The following XKR9 variants were observed in gnomAD, a reference collection of about 807,000 sequenced individuals.
XKR9 encodes XK related 9.
XKR9 carries 32 observed loss-of-function variants against 32.0 expected under a neutral mutation model. The ratio of observed to expected loss-of-function variants is 1.00; its 90% CI spans 0.76 to 1.34. The LOEUF is 1.34. Among genes scored for constraint, XKR9 ranks in the 40% most tolerant of loss-of-function variants. XKR9 has a pLI of 0.00. For missense variants in XKR9, 546 were observed against 429.7 expected (o/e 1.27, Z -2.39); for synonymous variants, 168 against 143.4 (o/e 1.17, Z -1.22).
At chr8:70,673,496 C>T (rs988619043) in intron 1 of XKR9, among the ~76,000 whole-genome samples, 3 of 152,114 alleles carry the variant, frequency 2.0e-5, no homozygotes, top group African/African-American at 7.2e-5. Context: ...GTAAAGAAAC[C>T]TATGGACAGT....
chr8:70,815,367 A>G, the XKR9 span, among the ~76,000 whole-genome samples: 1 of 151,780 alleles, frequency 6.6e-6, no homozygotes, highest in South Asian at 2.1e-4. Flanking sequence ...ATTCCCCTCT[A>G]CGTGTCCATG....
the XKR9 span, among the ~76,000 whole-genome samples, chr8:70,961,827 G>T: frequency 6.6e-6 from 1 of 152,038 alleles, no homozygotes; most frequent in East Asian, 1.9e-4. Context: ...GTTTTTGTGT[G>T]TGTTAAATAA....
chr8:71,050,236 GATAT>G, the XKR9 span, among the ~76,000 whole-genome samples: 3,244 of 123,552 alleles, frequency 0.026, 157 homozygotes, highest in African/African-American at 0.098. Flanking sequence ...GCCTGGCAGA[GATAT>G]ATATATATAT....
At chr8:70,722,397 G>A (rs1806313306) in intron 4 of XKR9, among the ~76,000 whole-genome samples, 1 of 152,160 alleles carries the variant, frequency 6.6e-6, no homozygotes. Context: ...AGTGTCATAG[G>A]TCTTTATAAT....
the XKR9 span, among the ~76,000 whole-genome samples, chr8:70,934,465 G>A: frequency 8.6e-5 from 13 of 152,038 alleles, no homozygotes; most frequent in East Asian, 9.6e-4. Context: ...CAATAAATAC[G>A]ATGTTTTATT....
At chr8:70,772,549 A>G (rs1241382194) in intron 2 of XKR9, among the ~76,000 whole-genome samples, 1 of 152,208 alleles carries the variant, frequency 6.6e-6, no homozygotes, top group Non-Finnish European at 1.5e-5. Context: ...CTAGCTAACA[A>G]GCCAGGAATC....
intron 2 of XKR9, among the ~76,000 whole-genome samples, chr8:70,750,920 C>T (rs956196741): frequency 2.0e-5 from 3 of 151,450 alleles, no homozygotes; most frequent in East Asian, 1.9e-4. Context: ...AATATTTAAA[C>T]GAATGGACTT....
chr8:70,902,181 T>C, the XKR9 span, among the ~76,000 whole-genome samples: 20 of 152,320 alleles, frequency 1.3e-4, no homozygotes, highest in Admixed American at 1.2e-3. Context: ...TTTTTCCAAT[T>C]CTGTGAAGAA....
intron 2 of XKR9, among the ~76,000 whole-genome samples, chr8:70,762,099 A>G (rs554605271): frequency 1.3e-5 from 2 of 152,222 alleles, no homozygotes; most frequent in East Asian, 3.9e-4. Flanking sequence ...TGGTTACTGT[A>G]GCCCTGTAGT....
the XKR9 span, among the ~76,000 whole-genome samples, chr8:70,985,399 C>G: frequency 6.6e-6 from 1 of 152,118 alleles, no homozygotes; most frequent in Non-Finnish European, 1.5e-5. Flanking sequence ...TTTTCTTTAT[C>G]CAGTCTATCA....
At chr8:70,990,162 C>A in the XKR9 span, among the ~76,000 whole-genome samples, 1 of 152,170 alleles carries the variant, frequency 6.6e-6, no homozygotes, top group Non-Finnish European at 1.5e-5. Context: ...TAGTTTCTCT[C>A]ATGAAGTTAT....
At chr8:71,001,973 A>T in the XKR9 span, among the ~76,000 whole-genome samples, 1 of 152,218 alleles carries the variant, frequency 6.6e-6, no homozygotes, top group East Asian at 1.9e-4. Flanking sequence ...CAGCCTTAAA[A>T]AGGTAGATTA....
chr8:70,681,034 TA>T lies in XKR9; in HGVS notation c.-23del. Reference sequence around the variant, plus strand: ...TTTTTGTGAGGGAGAAAAAAGTAGATAACGAAAAGCTATAGTCATTCGTAAT... The same window carrying T: ...TTTTTGTGAGGGAGAAAAAAGTAGATACGAAAAGCTATAGTCATTCGTAAT... On this transcript the variant is annotated 5_prime_UTR_variant, in exon 3 of 5. Coordinates refer to ENST00000408926, the MANE Select transcript of XKR9 (RefSeq NM_001011720.2). 6.3e-7 allele frequency: 1 copy of T among 1,575,212 alleles called. No individual in the cohort carries two copies. The highest frequency in any genetic ancestry group is 8.6e-7 in the Non-Finnish European group (1 of 1,161,782).
chr8:70,675,170 T>A (rs959643405), intron 2 of XKR9, among the ~76,000 whole-genome samples: 8 of 152,196 alleles, frequency 5.3e-5, no homozygotes, highest in African/African-American at 1.9e-4. Flanking sequence ...CCCATTCTTG[T>A]AATCCCAGCA....
At chr8:70,809,489 C>T in the XKR9 span, among the ~76,000 whole-genome samples, 1,173 of 152,138 alleles carry the variant, frequency 7.7e-3, 18 homozygotes, top group African/African-American at 0.026. Flanking sequence ...GATGATCATA[C>T]TACTCTGAGG....
At chr8:70,915,181 ATATCT>A in the XKR9 span, among the ~76,000 whole-genome samples, 23 of 152,126 alleles carry the variant, frequency 1.5e-4, no homozygotes, top group Non-Finnish European at 1.5e-5. Flanking sequence ...GGTCTGAAAA[ATATCT>A]TATAACACTA....
At chr8:70,904,534 T>C in the XKR9 span, among the ~76,000 whole-genome samples, 1 of 152,214 alleles carries the variant, frequency 6.6e-6, no homozygotes, top group Non-Finnish European at 1.5e-5. Context: ...GAGATGGGTC[T>C]CCTGAATACA....
chr8:70,956,104 T>TG, the XKR9 span, among the ~76,000 whole-genome samples: 1 of 151,752 alleles, frequency 6.6e-6, no homozygotes, highest in Non-Finnish European at 1.5e-5. Flanking sequence ...GCAGTGGGGG[T>TG]GGGGGAGCAA....
the XKR9 span, among the ~76,000 whole-genome samples, chr8:71,026,731 A>G: frequency 6.6e-6 from 1 of 152,186 alleles, no homozygotes; most frequent in Admixed American, 6.5e-5. Flanking sequence ...TTATTATTCT[A>G]AGTGCAATCT....
Sources: gnomAD v4.1 joint callset for allele counts (sites outside exome capture counted in the v4.1 genomes callset) on GRCh38, gnomAD v4.1.1 for gene constraint, MANE v1.5 for transcripts, NCBI Gene and HGNC (gene_info 2026-07-23, HGNC 2026-07-21) for gene names.